TCERG1L: variants seen among roughly 807,000 people sequenced by gnomAD.
TCERG1L encodes transcription elongation regulator 1 like.
Under a neutral mutation model 56.3 loss-of-function variants are expected in TCERG1L, and 37 were observed. The observed-to-expected ratio is 0.66, with a 90% CI of 0.51 to 0.87. The LOEUF (loss-of-function observed/expected upper bound fraction) is 0.87. Ranked by LOEUF, TCERG1L falls within the 40% of genes least tolerant of loss-of-function variation. TCERG1L has a pLI of 0.00. For missense variants in TCERG1L, 799 were observed against 774.2 expected, an observed-to-expected ratio of 1.03 and a Z score of -0.38; for synonymous variants, 324 against 326.3, an observed-to-expected ratio of 0.99 and a Z score of 0.08.
chr10:131,154,928 C>G (rs1845903765), intron 6 of TCERG1L, among the ~76,000 whole-genome samples: 1 of 152,246 alleles, frequency 6.6e-6, no homozygotes, highest in African/African-American at 2.4e-5. Flanking sequence ...GTCTTGCTGT[C>G]CTTTCTCATA....
chr10:131,122,637 C>G (rs1420941923), intron 8 of TCERG1L, among the ~76,000 whole-genome samples: 1 of 152,208 alleles, frequency 6.6e-6, no homozygotes, highest in African/African-American at 2.4e-5. Flanking sequence ...CCTGCGTTGT[C>G]ACCTCGATCA....
chr10:131,268,189 C>T (rs1286705510), intron 3 of TCERG1L, among the ~76,000 whole-genome samples: 1 of 152,242 alleles, frequency 6.6e-6, no homozygotes, highest in African/African-American at 2.4e-5. Flanking sequence ...CCAGCTGCAC[C>T]TCCCTGCTGC....
intron 9 of TCERG1L, among the ~76,000 whole-genome samples, chr10:131,108,526 C>T (rs549766993): frequency 6.6e-6 from 1 of 152,068 alleles, no homozygotes; most frequent in Non-Finnish European, 1.5e-5. Context: ...AGATGATTTG[C>T]TGTGTGCGTG....
At chr10:131,197,831 G>C (rs1845383421) in intron 4 of TCERG1L, among the ~76,000 whole-genome samples, 1 of 152,084 alleles carries the variant, frequency 6.6e-6, no homozygotes, top group Admixed American at 6.6e-5. Context: ...ATACAAAAAA[G>C]TTTAAACAAC....
chr10:131,158,601 C>T (rs1845946350), intron 6 of TCERG1L, among the ~76,000 whole-genome samples: 1 of 152,222 alleles, frequency 6.6e-6, no homozygotes, highest in African/African-American at 2.4e-5. Context: ...TGCTTTAGCC[C>T]AGCCTGCTTG....
At chr10:131,249,738 T>C (rs893513) in intron 4 of TCERG1L, among the ~76,000 whole-genome samples, 10,631 of 152,182 alleles carry the variant, frequency 0.07, 475 homozygotes, top group Admixed American at 0.14. Context: ...GGGCGCTCCA[T>C]GGGTACGACG....
chr10:131,256,990 AAGGAAAG>A (rs1846172753), intron 4 of TCERG1L, among the ~76,000 whole-genome samples: 6 of 76,670 alleles, frequency 7.8e-5, no homozygotes, highest in African/African-American at 2.5e-4. Context: ...GGAAGGAAGG[AAGGAAAG>A]AAAGAAAGAA....
intron 4 of TCERG1L, among the ~76,000 whole-genome samples, chr10:131,246,924 GGCGCT>G (rs1290593130): frequency 6.6e-5 from 10 of 152,124 alleles, no homozygotes; most frequent in Non-Finnish European, 1.2e-4. Context: ...CCACGACGCC[GGCGCT>G]GCGGCACAAC....
At chr10:131,155,554 A>G (rs1845910470) in intron 6 of TCERG1L, among the ~76,000 whole-genome samples, 1 of 152,180 alleles carries the variant, frequency 6.6e-6, no homozygotes, top group Non-Finnish European at 1.5e-5. Flanking sequence ...TTCAAACGGG[A>G]TGTCACCCTG....
chr10:131,095,044 G>A (rs1410561534), intron 11 of TCERG1L, among the ~76,000 whole-genome samples: 3 of 152,242 alleles, frequency 2.0e-5, no homozygotes, highest in Non-Finnish European at 2.9e-5. Flanking sequence ...GCTGTGGTGT[G>A]AACTCACGAA....
chr10:131,248,189 A>C (rs1175600224), intron 4 of TCERG1L, among the ~76,000 whole-genome samples: 1 of 141,674 alleles, frequency 7.1e-6, no homozygotes, highest in Non-Finnish European at 1.5e-5. Flanking sequence ...GACACACACA[A>C]ACACACACTA....
At chr10:131,255,861 C>T (rs1209876397) in intron 4 of TCERG1L, among the ~76,000 whole-genome samples, 2 of 152,190 alleles carry the variant, frequency 1.3e-5, no homozygotes. Flanking sequence ...AAAGTCTGCA[C>T]CTTATACAAC....
chr10:131,283,053 G>A (rs1050833093), intron 3 of TCERG1L, among the ~76,000 whole-genome samples: 13 of 152,212 alleles, frequency 8.5e-5, no homozygotes, highest in African/African-American at 3.1e-4. Flanking sequence ...TTTTCTCTTA[G>A]AAGAATATCT....
chr10:131,127,029 CAGGTGTTGATTTT>C (rs940696534), intron 8 of TCERG1L, among the ~76,000 whole-genome samples: 10 of 152,130 alleles, frequency 6.6e-5, no homozygotes, highest in Admixed American at 5.9e-4. Context: ...TTGCTGCCTC[CAGGTGTTGATTTT>C]AGGTAATATT....
intron 6 of TCERG1L, among the ~76,000 whole-genome samples, chr10:131,147,524 G>A (rs1417125365): frequency 1.3e-5 from 2 of 152,242 alleles, no homozygotes; most frequent in Admixed American, 6.5e-5. Flanking sequence ...CCCCTAAGTC[G>A]TGTCAGGGTG....
chr10:131,198,623 G>A (rs1051915723), intron 4 of TCERG1L, among the ~76,000 whole-genome samples: 3 of 152,214 alleles, frequency 2.0e-5, no homozygotes, highest in Admixed American at 6.5e-5. Flanking sequence ...GTGCTGGAGC[G>A]GCCCCACAGC....
intron 11 of TCERG1L, chr10:131,095,439 GCAGGAGGCTACACAGCCT>G (rs1183142578): frequency 3.3e-5 from 5 of 152,402 alleles, no homozygotes; most frequent in Non-Finnish European, 5.9e-5. Flanking sequence ...CTGTATGGCT[GCAGGAGGCTACACAGCCT>G]CAGGAGGCTG....
At chr10:131,192,944 T>C (rs147820380) in intron 4 of TCERG1L, among the ~76,000 whole-genome samples, 1,846 of 104,124 alleles carry the variant, frequency 0.018, 305 homozygotes, top group African/African-American at 0.066. Context: ...GACTAAAATC[T>C]CCAAATTCAC....
intron 4 of TCERG1L, among the ~76,000 whole-genome samples, chr10:131,255,712 G>A (rs891456367): frequency 1.3e-5 from 2 of 152,224 alleles, no homozygotes; most frequent in African/African-American, 2.4e-5. Context: ...TGATTCTCAG[G>A]GTAGGCACAG....
Sources: gnomAD v4.1 joint callset for allele counts (sites outside exome capture counted in the v4.1 genomes callset) on GRCh38, gnomAD v4.1.1 for gene constraint, MANE v1.5 for transcripts, NCBI Gene and HGNC (gene_info 2026-07-23, HGNC 2026-07-21) for gene names.